The following RAPH1 variants were observed in gnomAD, a reference collection of about 807,000 sequenced individuals.
RAPH1 encodes the protein ras-associated and pleckstrin homology domains-containing protein 1.
In RAPH1, 18 loss-of-function variants were observed where a neutral mutation model predicts 88.1. That is an observed-to-expected ratio of 0.20 (90% CI 0.14 to 0.30). The LOEUF (loss-of-function observed/expected upper bound fraction) is 0.30, where lower values mean the gene tolerates loss of function less well. Among genes scored for constraint, RAPH1 ranks in the 10% least tolerant of loss-of-function variants. The pLI, the probability that RAPH1 is intolerant of heterozygous loss-of-function variation, is 1.00. For missense variants in RAPH1, 1,448 were observed against 1,543.2 expected (o/e 0.94, Z 1.03); for synonymous variants, 587 against 559.0 (o/e 1.05, Z -0.71).
Position 203,438,347 on chromosome 2 carries a change from ATGCTC to A in RAPH1, c.*1085_*1089del. 3.0e-6 allele frequency: 1 copy of A among 338,492 alleles called. No homozygotes were observed. Among genetic ancestry groups the A allele is most frequent in the Admixed American group, 4.2e-5 (1 of 24,046 alleles). The allele number at this position is 338,492 out of a possible 1,614,324, so 21.0% of individuals were successfully genotyped here. ...CATCACCCTTCCCTTCTATAGAGCA[ATGCTC>A]AAAAAATGCATTTTAGAAAATGATT... is the stretch of plus-strand genomic sequence containing the variant. On this transcript the variant is annotated 3_prime_UTR_variant, in exon 14 of 14. Transcript: ENST00000319170.
intron 4 of RAPH1, among the ~76,000 whole-genome samples, chr2:203,465,308 T>C (rs1346668279): frequency 6.6e-6 from 1 of 152,106 alleles, no homozygotes; most frequent in Non-Finnish European, 1.5e-5. Flanking sequence ...TATTCAGCAC[T>C]AAAATGAAAT....
rs879535144 is a variant in RAPH1, at chr2:203,435,356, C to A, written c.*4081G>T. 7.7e-6 allele frequency: 1 copy of A among 129,790 alleles called. No homozygotes were observed. Among genetic ancestry groups the A allele is most frequent in the African/African-American group, 3.0e-5 (1 of 33,346 alleles). The allele number at this position is 129,790 out of a possible 1,614,324, so 8.0% of individuals were successfully genotyped here. On this transcript the variant is annotated 3_prime_UTR_variant, in exon 14 of 14. Transcript: ENST00000319170. ...GACCAGCCTGGGCAACACAGTGAGA[C>A]CCCCATCTCTACCAAAAAAAAAAAA... is the stretch of plus-strand genomic sequence containing the variant.
At chr2:203,444,258 C>G (rs1229162327) in intron 13 of RAPH1, 3 of 151,600 alleles carry the variant, frequency 2.0e-5, no homozygotes, top group Admixed American at 2.0e-4. Context: ...AGGGTGAAAC[C>G]CTGTCTCTAC....
chr2:203,475,431 G>A (rs1687373872), intron 4 of RAPH1, among the ~76,000 whole-genome samples: 1 of 151,822 alleles, frequency 6.6e-6, no homozygotes, highest in Non-Finnish European at 1.5e-5. Context: ...AAAATATATA[G>A]CATGATGAAA....
At chr2:203,529,493 C>T (rs1357946948) in intron 1 of RAPH1, among the ~76,000 whole-genome samples, 1 of 152,122 alleles carries the variant, frequency 6.6e-6, no homozygotes, top group African/African-American at 2.4e-5. Flanking sequence ...TCCTGAGTAG[C>T]TGGGATTACA....
At chr2:203,455,175 GAA>G (rs2098518258) in intron 9 of RAPH1, among the ~76,000 whole-genome samples, 1 of 152,124 alleles carries the variant, frequency 6.6e-6, no homozygotes, top group Admixed American at 6.5e-5. Flanking sequence ...AACTACTCCA[GAA>G]AGAGTCCCCA....
In RAPH1 at chr2:203,437,282, T is replaced by A. The variant is rs1018066575; in HGVS notation, c.*2155A>T. ...AACTGAAGTGTTGTCTACCTTCTCA[T>A]GAGAAAATCACCACCACAATAAAAC... On this transcript the variant is annotated 3_prime_UTR_variant, in exon 14 of 14. Coordinates refer to ENST00000319170, the MANE Select transcript of RAPH1 (RefSeq NM_213589.3). 2.0e-5 allele frequency: 3 copies of A among 152,226 alleles called. No homozygotes were observed. The highest frequency in any genetic ancestry group is 7.2e-5 in the African/African-American group (3 of 41,460). The allele number at this position is 152,226 out of a possible 1,614,324, so 9.4% of individuals were successfully genotyped here. A position where few individuals can be genotyped will look rare whatever the true frequency, so the allele number is the denominator to read the frequency against.
intron 4 of RAPH1, among the ~76,000 whole-genome samples, chr2:203,478,489 TTTTTTG>T (rs950199926): frequency 1.3e-5 from 2 of 152,020 alleles, no homozygotes; most frequent in African/African-American, 4.8e-5. Flanking sequence ...TTTTTTGTTT[TTTTTTG>T]TTTTTCTTTT....
chr2:203,518,275 A>G (rs1342714684), intron 1 of RAPH1, among the ~76,000 whole-genome samples: 1 of 152,098 alleles, frequency 6.6e-6, no homozygotes, highest in African/African-American at 2.4e-5. Flanking sequence ...CAGCACTTTG[A>G]AAGGACAAGG....
intron 12 of RAPH1, chr2:203,447,232 A>C (rs2098510764): frequency 6.8e-6 from 1 of 146,004 alleles, no homozygotes; most frequent in South Asian, 2.2e-4. Context: ...GATCTATTTA[A>C]GCAGCATCCT....
intron 1 of RAPH1, among the ~76,000 whole-genome samples, chr2:203,500,038 A>G (rs368614288): frequency 2.0e-5 from 3 of 152,350 alleles, no homozygotes; most frequent in African/African-American, 7.2e-5. Context: ...AATGTTCCAA[A>G]GACACAAGAG....
Position 203,440,285 on chromosome 2 carries a change from T to C in RAPH1, c.2905A>G (p.Lys969Glu). Residue 969 changes from lysine to glutamate, a missense_variant, in exon 14 of 14, where the codon AAG becomes GAG. Physicochemically the swap from Lys to Glu is moderately conservative, Grantham distance 56 (BLOSUM62 1). Coordinates refer to ENST00000319170, the MANE Select transcript of RAPH1 (RefSeq NM_213589.3). ...KTSKTSSPGG[K>E]KPPPTPQRNS... Reference sequence around the variant, plus strand: ...CGCTGTGGGGTTGGGGGTGGTTTCTTTCCCCCAGGGCTGGACGTCTTACTG... The same window carrying C: ...CGCTGTGGGGTTGGGGGTGGTTTCTCTCCCCCAGGGCTGGACGTCTTACTG... The C allele has an allele frequency of 6.2e-7, 1 of 1,613,796 alleles. No individual in the cohort carries two copies. The highest frequency in any genetic ancestry group is 8.5e-7 in the Non-Finnish European group (1 of 1,179,936).
At chr2:203,525,595 C>G (rs1690078287) in intron 1 of RAPH1, among the ~76,000 whole-genome samples, 1 of 151,806 alleles carries the variant, frequency 6.6e-6, no homozygotes, top group South Asian at 2.1e-4. Flanking sequence ...ATGGTAAAAC[C>G]CCATCTCTAC....
intron 1 of RAPH1, among the ~76,000 whole-genome samples, chr2:203,511,697 ATTTCCC>A (rs1318492303): frequency 4.6e-4 from 70 of 151,696 alleles, no homozygotes; most frequent in Middle Eastern, 3.4e-3. Context: ...TTACATTTCC[ATTTCCC>A]ATGTCTTTGC....
intron 2 of RAPH1, among the ~76,000 whole-genome samples, chr2:203,494,352 T>C (rs914779655): frequency 6.6e-6 from 1 of 152,174 alleles, no homozygotes; most frequent in East Asian, 1.9e-4. Flanking sequence ...GGGGCAATAA[T>C]AACAGTACCC....
At position 203,439,763 on chromosome 2, in the gene RAPH1, T is replaced by C; in HGVS notation, c.3427A>G (p.Thr1143Ala). 1 of 1,614,170 alleles carries C rather than the reference T, an allele frequency of 6.2e-7. No homozygotes were observed. The highest frequency in any genetic ancestry group is 8.5e-7 in the Non-Finnish European group (1 of 1,180,032). The change falls in exon 14 of 14, where the codon ACA (threonine) becomes GCA (alanine). Residue 1143 changes from threonine (T) to alanine (A), a missense_variant. Thr to Ala is a moderately conservative substitution (Grantham distance 58). This residue lies in a region of RAPH1 where 935 missense variants were observed against 890.1 expected (regional missense o/e 1.05). Coordinates refer to ENST00000319170, the MANE Select transcript of RAPH1 (RefSeq NM_213589.3). ...ACTTGTGGCACAACTGTGGCCATTG[T>C]TGGCTGCTCAGAAATCTCAGCTTGA... ...LTQAEISEQP[T>A]MATVVPQVPT...
At chr2:203,479,220 AT>A (rs990440662) in intron 4 of RAPH1, among the ~76,000 whole-genome samples, 1 of 152,170 alleles carries the variant, frequency 6.6e-6, no homozygotes, top group African/African-American at 2.4e-5. Flanking sequence ...TTTCAAAATA[AT>A]TTTTCTTTAA....
chr2:203,456,623 A>T (rs1007292966), intron 8 of RAPH1, among the ~76,000 whole-genome samples: 5 of 152,158 alleles, frequency 3.3e-5, no homozygotes, highest in Non-Finnish European at 7.4e-5. Context: ...TTTTCTCCTC[A>T]AAGTACAGAA....
chr2:203,497,782 T>G (rs1317456934), intron 1 of RAPH1, among the ~76,000 whole-genome samples: 1 of 152,194 alleles, frequency 6.6e-6, no homozygotes, highest in East Asian at 1.9e-4. Context: ...TTAAGAAGAT[T>G]TGGTTTTTAC....
Sources: allele counts gnomAD v4.1 joint callset (sites outside exome capture counted in the v4.1 genomes callset), GRCh38; gene constraint gnomAD v4.1.1; regional missense constraint gnomAD v4.1.1; transcripts MANE v1.5; gene names NCBI Gene and HGNC (gene_info 2026-07-23, HGNC 2026-07-21).